The following HDAC8 variants were observed in gnomAD, a reference collection of about 807,000 sequenced individuals.
The protein encoded by HDAC8 is histone deacetylase 8, also known as histone deacetylase-like 1.
In HDAC8, 1 loss-of-function variant was observed where a neutral mutation model predicts 32.2. The ratio of observed to expected loss-of-function variants is 0.03; its 90% CI spans 0.01 to 0.15. HDAC8 has a LOEUF of 0.15. Among genes scored for constraint, HDAC8 ranks in the 10% least tolerant of loss-of-function variants. The probability of loss-of-function intolerance (pLI) is 1.00; values close to 1 mark genes in which losing one functional copy is unlikely to be tolerated. For missense variants in HDAC8, 117 were observed against 300.0 expected (o/e 0.39, Z 4.51); for synonymous variants, 108 against 113.9 (o/e 0.95, Z 0.33).
At chrX:72,439,682 T>A (rs2047062668) in intron 9 of HDAC8, among the ~76,000 whole-genome samples, 1 of 106,084 alleles carries the variant, frequency 9.4e-6, no homozygotes, top group South Asian at 4.3e-4. Flanking sequence ...TCCTAGTCTC[T>A]GATAAAACAG....
Position 72,377,962 on chromosome X carries a change from C to T in HDAC8, c.1006-26124G>A, listed in dbSNP as rs183338336. ...CCATTTTAATTTTCTTGTTAGTTTA[C>T]ATATATAAAAATGTATTATATACAT... On this transcript the variant is annotated intron_variant, in intron 9 of 10. Transcript: ENST00000373573. Among the ~76,000 whole-genome samples, 5 of 108,902 alleles carry T rather than the reference C, an allele frequency of 4.6e-5. No homozygotes were observed. The East Asian group carries it at 1.1e-3, about 25-fold the overall frequency. The allele number at this position is 108,902 out of a possible 115,157, so 94.6% of individuals were successfully genotyped here.
At chrX:72,454,695 G>T (rs2047675457) in intron 9 of HDAC8, among the ~76,000 whole-genome samples, 1 of 112,293 alleles carries the variant, frequency 8.9e-6, no homozygotes, top group South Asian at 3.7e-4. Flanking sequence ...GCCAAGAATT[G>T]TTTGTTGCAC....
At chrX:72,345,148 G>C (rs968881099) in intron 10 of HDAC8, among the ~76,000 whole-genome samples, 2 of 111,454 alleles carry the variant, frequency 1.8e-5, no homozygotes, top group Middle Eastern at 4.2e-3. Context: ...ACATGAGGGG[G>C]GTGGGGTTCA....
intron 5 of HDAC8, among the ~76,000 whole-genome samples, chrX:72,493,250 G>A (rs2048922728): frequency 9.0e-6 from 1 of 111,620 alleles, no homozygotes; most frequent in African/African-American, 3.3e-5. Flanking sequence ...GAGTAGTGTA[G>A]CCTGGACAGC....
chrX:72,374,810 C>CTTT (rs782179373), intron 9 of HDAC8, among the ~76,000 whole-genome samples: 1 of 97,861 alleles, frequency 1.0e-5, no homozygotes, highest in Non-Finnish European at 2.1e-5. Context: ...TTCTTTCTTT[C>CTTT]TTTTTTTTTT....
Position 72,572,107 on chromosome X carries a change from G to A in HDAC8, c.114C>T (p.Ala38=). 1 of 1,181,165 alleles carries A rather than the reference G, an allele frequency of 8.5e-7. No homozygotes were observed. Among genetic ancestry groups the A allele is most frequent in the East Asian group, 3.0e-5 (1 of 33,039 alleles). Residue 38 remains alanine, a splice_region_variant and synonymous_variant, in exon 2 of 11, where the codon GCC becomes GCT. Transcript: ENST00000373573. ...CDSLAKIPKR[A]SMVHSLIEAY... Reference sequence around the variant, plus strand: ...CTTCAATCAAAGAATGCACCATACTGGCCTAAAAACATCAGCGTAAAAAAA... The same window carrying A: ...CTTCAATCAAAGAATGCACCATACTAGCCTAAAAACATCAGCGTAAAAAAA...
chrX:72,376,199 G>C (rs1174487854), intron 9 of HDAC8, among the ~76,000 whole-genome samples: 1 of 110,036 alleles, frequency 9.1e-6, no homozygotes, highest in Non-Finnish European at 1.9e-5. Flanking sequence ...GTGAGACGCT[G>C]TGCCTGGCTC....
chrX:72,447,750 C>CA (rs782770400), intron 9 of HDAC8, among the ~76,000 whole-genome samples: 6 of 112,270 alleles, frequency 5.3e-5, no homozygotes, highest in Admixed American at 1.9e-4. Flanking sequence ...TCTCAGGATA[C>CA]AAAATCAATG....
chrX:72,394,030 G>C (rs1555964786), intron 9 of HDAC8, among the ~76,000 whole-genome samples: 1 of 111,162 alleles, frequency 9.0e-6, no homozygotes, highest in East Asian at 2.8e-4. Flanking sequence ...CCCGCCACTG[G>C]ATACAGAGAC....
At chrX:72,342,763 C>T (rs1555945461) in intron 10 of HDAC8, among the ~76,000 whole-genome samples, 1 of 112,126 alleles carries the variant, frequency 8.9e-6, no homozygotes, top group African/African-American at 3.2e-5. Context: ...CTTATTTCCT[C>T]TTCTAAGCTT....
In HDAC8 at chrX:72,330,158, A is replaced by C. The variant is rs2043476397; in HGVS notation, c.1112-82T>G. 8.1e-6 allele frequency: 7 copies of C among 867,012 alleles called. No individual in the cohort carries two copies. In the South Asian group the frequency reaches 1.5e-4, roughly 19 times the overall value. The allele number at this position is 867,012 out of a possible 1,213,427, so 71.5% of individuals were successfully genotyped here. On this transcript the variant is annotated intron_variant, in intron 10 of 10. Transcript: ENST00000373573. Reference sequence around the variant, plus strand: ...CCAATAGAGCTATTTTTTAAAAAGCACTTATATTTTGGGGCTTATTCTCTG... The same window carrying C: ...CCAATAGAGCTATTTTTTAAAAAGCCCTTATATTTTGGGGCTTATTCTCTG...
chrX:72,508,121 T>C (rs2049453955), intron 4 of HDAC8, among the ~76,000 whole-genome samples: 1 of 112,520 alleles, frequency 8.9e-6, no homozygotes, highest in Non-Finnish European at 1.9e-5. Flanking sequence ...AAGTTAGCAT[T>C]ATAGATTTCC....
intron 4 of HDAC8, among the ~76,000 whole-genome samples, chrX:72,506,360 T>C (rs138688032): frequency 1.4e-4 from 16 of 111,772 alleles, no homozygotes; most frequent in Admixed American, 2.9e-4. Flanking sequence ...GGCAGCTGCA[T>C]CTGGTAAGGG....
chrX:72,538,367 A>T (rs781867617), intron 4 of HDAC8, among the ~76,000 whole-genome samples: 1 of 109,858 alleles, frequency 9.1e-6, no homozygotes, highest in East Asian at 2.9e-4. Flanking sequence ...AATTTTTAGT[A>T]GAGACGGGGT....
At chrX:72,549,289 C>T (rs1439539991) in intron 4 of HDAC8, among the ~76,000 whole-genome samples, 8 of 109,706 alleles carry the variant, frequency 7.3e-5, no homozygotes, top group African/African-American at 2.7e-4. Flanking sequence ...CCATAAGTCT[C>T]AGTATTTGTT....
intron 7 of HDAC8, among the ~76,000 whole-genome samples, chrX:72,477,000 A>G (rs1257609587): frequency 8.9e-6 from 1 of 112,066 alleles, no homozygotes; most frequent in East Asian, 2.8e-4. Context: ...ACCTTTCACC[A>G]AACACAAAAT....
chrX:72,469,743 A>G, intron 7 of HDAC8, among the ~76,000 whole-genome samples: 1 of 112,116 alleles, frequency 8.9e-6, no homozygotes, highest in East Asian at 2.8e-4. Flanking sequence ...CACACTCTCT[A>G]CAGCTTGGCC....
intron 9 of HDAC8, among the ~76,000 whole-genome samples, chrX:72,420,690 G>A (rs782207075): frequency 3.2e-4 from 36 of 111,649 alleles, no homozygotes; most frequent in Admixed American, 2.6e-3. Context: ...TTGTTATACC[G>A]TCTCAATCAA....
chrX:72,375,072 C>T (rs2045019912), intron 9 of HDAC8, among the ~76,000 whole-genome samples: 1 of 111,779 alleles, frequency 8.9e-6, no homozygotes, highest in African/African-American at 3.3e-5. Context: ...GATCCTCCTG[C>T]CTTGGCCTCC....
Sources: gnomAD v4.1 joint callset for allele counts (sites outside exome capture counted in the v4.1 genomes callset) on GRCh38, gnomAD v4.1.1 for gene constraint, MANE v1.5 for transcripts, NCBI Gene and HGNC (gene_info 2026-07-23, HGNC 2026-07-21) for gene names.